VIT: variants seen among roughly 807,000 people sequenced by gnomAD.
VIT encodes vitrin.
A neutral mutation model predicts 78.0 loss-of-function variants in VIT; 99 were observed. The observed-to-expected ratio is 1.27, with a 90% CI of 1.08 to 1.50. The LOEUF is 1.50. Among genes scored for constraint, VIT ranks in the 40% most tolerant of loss-of-function variants. The pLI is 0.00. For missense variants in VIT, 1,126 were observed against 875.3 expected, an observed-to-expected ratio of 1.29 and a Z score of -3.61; for synonymous variants, 374 against 334.3, an observed-to-expected ratio of 1.12 and a Z score of -1.29.
rs1000218450 is a variant in VIT, at chr2:36,806,322, T to C, written c.1389+658T>C. The stretch of plus-strand genomic sequence containing the variant: ...CCTTCCAGCTTTAATATTCTATGTG[T>C]CTACAGCCAGCAGGGCTCAACCTCC... On this transcript the variant is annotated intron_variant, in intron 14 of 15. Transcript: ENST00000379242. 2.0e-5 allele frequency among the ~76,000 whole-genome samples: 3 copies of C among 152,344 alleles called. No homozygotes were observed. The East Asian group carries it at 5.8e-4, about 29-fold the overall frequency.
chr2:36,766,183 A>G (rs1669417880), intron 6 of VIT, among the ~76,000 whole-genome samples: 1 of 152,206 alleles, frequency 6.6e-6, no homozygotes, highest in Non-Finnish European at 1.5e-5. Context: ...GCGGTGTTTA[A>G]AAGGAGAGAA....
chr2:36,796,110 TAAA>T (rs149375506), intron 12 of VIT, among the ~76,000 whole-genome samples: 91,398 of 141,160 alleles, frequency 0.65, 29,539 homozygotes, highest in Admixed American at 0.78. Context: ...CATGACTGAT[TAAA>T]AAAAAAAAAA....
intron 3 of VIT, among the ~76,000 whole-genome samples, chr2:36,742,346 G>A (rs1667884476): frequency 6.6e-6 from 1 of 152,300 alleles, no homozygotes. Context: ...AGCCAAAACA[G>A]AGGGAGGGAA....
At chr2:36,740,132 G>A (rs1667749362) in intron 3 of VIT, among the ~76,000 whole-genome samples, 1 of 152,090 alleles carries the variant, frequency 6.6e-6, no homozygotes, top group South Asian at 2.1e-4. Context: ...TGCACTTTTA[G>A]GATCAAACTC....
intron 4 of VIT, among the ~76,000 whole-genome samples, chr2:36,754,092 AGTAG>A (rs1434025623): frequency 6.6e-6 from 1 of 152,188 alleles, no homozygotes; most frequent in Non-Finnish European, 1.5e-5. Flanking sequence ...TTACATGTTG[AGTAG>A]TATTAGCACT....
At chr2:36,730,518 G>A (rs143703033) in intron 3 of VIT, among the ~76,000 whole-genome samples, 1 of 152,136 alleles carries the variant, frequency 6.6e-6, no homozygotes, top group African/African-American at 2.4e-5. Flanking sequence ...AGTAGGAAGG[G>A]ATGAAGAAGG....
In VIT at chr2:36,808,622, GT is replaced by G; in HGVS notation, c.1541del (p.Val514AlafsTer20). 5.0e-6 allele frequency: 8 copies of G among 1,614,220 alleles called. No individual in the cohort carries two copies. Among genetic ancestry groups the G allele is most frequent in the Non-Finnish European group, 6.8e-6 (8 of 1,180,040 alleles). On this transcript the variant is annotated frameshift_variant, in exon 15 of 16. Transcript: ENST00000379242. LOFTEE classifies it high-confidence loss of function. ...CTTGAACTCGGCTGACATTGGCTTCGTCATCGACGGCTCCAGCAGTGTGGGG... is the reference window on the plus strand; with the variant it reads ...CTTGAACTCGGCTGACATTGGCTTCGCATCGACGGCTCCAGCAGTGTGGGG... ...TCLNSADIGFVIDGSSSVGTG... is the reference protein window; with the variant it reads ...TCLNSADIGFXIDGSSSVGTG...
intron 12 of VIT, among the ~76,000 whole-genome samples, chr2:36,793,346 C>T (rs1014785943): frequency 1.3e-5 from 2 of 152,118 alleles, no homozygotes; most frequent in Admixed American, 6.5e-5. Flanking sequence ...TTATTAAGAC[C>T]CTGCTCCTCC....
intron 8 of VIT, among the ~76,000 whole-genome samples, chr2:36,774,211 A>G (rs976510513): frequency 6.6e-6 from 1 of 151,870 alleles, no homozygotes; most frequent in African/African-American, 2.4e-5. Flanking sequence ...AGGAAAGAGG[A>G]TTTTTTTTCT....
In VIT at chr2:36,781,757, T is replaced by C. The variant is rs765942666; in HGVS notation, c.833T>C (p.Val278Ala). 1 of 1,614,182 alleles carries C rather than the reference T, an allele frequency of 6.2e-7. No individual in the cohort carries two copies. The highest frequency in any genetic ancestry group is 1.6e-4 in the Middle Eastern group (1 of 6,062). The change falls in exon 10 of 16, where the codon GTC becomes GCC. Residue 278 changes from valine (V) to alanine (A), a missense_variant. By Grantham distance (64) the Val-to-Ala change is moderately conservative (BLOSUM62 0). Coordinates refer to ENST00000379242, the MANE Select transcript of VIT (RefSeq NM_053276.4). The part of the protein sequence containing the change: ...GEMDSWKPGS[V>A]LLDEGLVPKE... ...ATGGACTCATGGAAACCTGGATCGG[T>C]CCTTTTAGATGAAGGTAATTATACA...
chr2:36,723,943 A>G (rs1442882809), intron 2 of VIT, among the ~76,000 whole-genome samples: 2 of 148,966 alleles, frequency 1.3e-5, no homozygotes, highest in African/African-American at 4.9e-5. Context: ...ATAAGAAAAG[A>G]AAAGAAAGAA....
At chr2:36,750,698 G>A (rs191503266) in intron 4 of VIT, among the ~76,000 whole-genome samples, 97 of 151,738 alleles carry the variant, frequency 6.4e-4, no homozygotes, top group Admixed American at 2.2e-3. Flanking sequence ...GTGCACACAT[G>A]TAATCCCAGC....
intron 7 of VIT, among the ~76,000 whole-genome samples, chr2:36,772,522 C>A (rs185131880): frequency 2.9e-4 from 44 of 152,010 alleles, no homozygotes; most frequent in African/African-American, 8.4e-4. Flanking sequence ...GCAACAAGAG[C>A]GAAACTCCAT....
chr2:36,783,796 T>A (rs1664918634), intron 11 of VIT, among the ~76,000 whole-genome samples: 1 of 151,904 alleles, frequency 6.6e-6, no homozygotes, highest in South Asian at 2.1e-4. Flanking sequence ...GAAGGGAGAA[T>A]CTATAAGATG....
chr2:36,705,610 C>T (rs1429564454), intron 1 of VIT, among the ~76,000 whole-genome samples: 2 of 152,138 alleles, frequency 1.3e-5, no homozygotes, highest in Non-Finnish European at 2.9e-5. Flanking sequence ...AGGTCTTAAA[C>T]CCCACCCAAC....
At chr2:36,793,120 A>G (rs4670612) in intron 12 of VIT, among the ~76,000 whole-genome samples, 99,690 of 151,842 alleles carry the variant, frequency 0.66, 33,372 homozygotes, top group East Asian at 0.99. Flanking sequence ...CACTTCCCCA[A>G]CACTCACTGA....
chr2:36,716,252 A>T, intron 1 of VIT, 101 bp from the exon 2 acceptor site: 1 of 877,952 alleles, frequency 1.1e-6, no homozygotes, highest in Non-Finnish European at 1.8e-6. Context: ...AAGACTCCAG[A>T]GGGCAATGCA....
chr2:36,723,398 A>G (rs1475129457), intron 2 of VIT, among the ~76,000 whole-genome samples: 3 of 152,202 alleles, frequency 2.0e-5, no homozygotes, highest in African/African-American at 7.2e-5. Context: ...TGCTTTCCAG[A>G]ATGGCCCTGC....
At chr2:36,754,797 A>T in intron 4 of VIT, 124 bp from the exon 5 acceptor site, 9 of 1,087,482 alleles carry the variant, frequency 8.3e-6, no homozygotes, top group Non-Finnish European at 1.2e-5. Context: ...ATGTCAAGGT[A>T]AACTTTGCTT....
Sources: allele counts gnomAD v4.1 joint callset (sites outside exome capture counted in the v4.1 genomes callset), GRCh38; gene constraint gnomAD v4.1.1; transcripts MANE v1.5; gene names NCBI Gene and HGNC (gene_info 2026-07-23, HGNC 2026-07-21).